Variants in PIGN observed in about 807,000 individuals in gnomAD.
PIGN encodes the protein GPI ethanolamine phosphate transferase 1.
Under a neutral mutation model 125.4 loss-of-function variants are expected in PIGN, and 117 were observed. That is an observed-to-expected ratio of 0.93 (90% CI 0.80 to 1.09). The LOEUF (loss-of-function observed/expected upper bound fraction) is 1.09. Ranked by LOEUF, PIGN falls within the 50% of genes least tolerant of loss-of-function variation. PIGN has a pLI of 0.00. For synonymous variants in PIGN, 392 were observed against 377.8 expected (o/e 1.04, Z -0.44); for missense variants, 1,075 against 1,094.9 (o/e 0.98, Z 0.26).
At chr18:62,060,518 C>T (rs2145393817) in intron 30 of PIGN, among the ~76,000 whole-genome samples, 1 of 148,860 alleles carries the variant, frequency 6.7e-6, no homozygotes, top group Non-Finnish European at 1.5e-5. Context: ...TGTAACAGTA[C>T]AGATGTTTTA....
intron 30 of PIGN, among the ~76,000 whole-genome samples, chr18:62,065,746 T>A (rs2032481773): frequency 1.3e-5 from 2 of 151,274 alleles, no homozygotes; most frequent in African/African-American, 4.9e-5. Flanking sequence ...CAAAAAAAAA[T>A]AAAAATAAAA....
intron 14 of PIGN, among the ~76,000 whole-genome samples, chr18:62,129,584 T>A (rs1467465451): frequency 6.6e-6 from 1 of 152,210 alleles, no homozygotes; most frequent in African/African-American, 2.4e-5. Flanking sequence ...AAACAGTCAC[T>A]CATAATACAT....
rs1474828256 is a variant in PIGN, at chr18:62,043,786, C to T, written c.*2070G>A. The stretch of plus-strand genomic sequence containing the variant: ...TTTTTTTGGTTCAATATTTTCACAA[C>T]TTGTTCTGCCTATTTTAATTCTTAT... On this transcript the variant is annotated 3_prime_UTR_variant, in exon 31 of 31. Transcript: ENST00000640252. 2 of 152,100 alleles carry T rather than the reference C, an allele frequency of 1.3e-5. No homozygotes were observed. The highest frequency in any genetic ancestry group is 4.8e-5 in the African/African-American group (2 of 41,416). The allele number at this position is 152,100 out of a possible 1,614,324, so 9.4% of individuals were successfully genotyped here.
intron 1 of PIGN, among the ~76,000 whole-genome samples, chr18:62,166,558 T>C (rs2037140767): frequency 6.6e-6 from 1 of 152,322 alleles, no homozygotes; most frequent in Middle Eastern, 3.4e-3. Context: ...TTACTGGGTA[T>C]ATACCCAAAG....
intron 28 of PIGN, among the ~76,000 whole-genome samples, chr18:62,079,843 T>C (rs2033362510): frequency 6.6e-6 from 1 of 151,976 alleles, no homozygotes. Context: ...TAGAAATACT[T>C]AGAAGTAATT....
At chr18:62,130,320 G>A (rs760090917) in intron 14 of PIGN, among the ~76,000 whole-genome samples, 13 of 152,140 alleles carry the variant, frequency 8.5e-5, no homozygotes, top group Non-Finnish European at 1.6e-4. Context: ...TGCCCACAAG[G>A]AAAAGTGATG....
intron 24 of PIGN, among the ~76,000 whole-genome samples, chr18:62,089,245 A>G (rs1259335725): frequency 6.6e-6 from 1 of 152,092 alleles, no homozygotes; most frequent in African/African-American, 2.4e-5. Flanking sequence ...GTAAAATTAA[A>G]TGTTTGTTTA....
chr18:62,065,403 A>G (rs1391156021), intron 30 of PIGN, among the ~76,000 whole-genome samples: 1 of 152,220 alleles, frequency 6.6e-6, no homozygotes, highest in Non-Finnish European at 1.5e-5. Context: ...TGGATTATTC[A>G]GTTGAGAAAA....
chr18:62,017,796 A>G (rs540951327), intron 23 of PIGN: 2 of 152,224 alleles, frequency 1.3e-5, no homozygotes, highest in Admixed American at 1.3e-4. Context: ...CTCCTTTATA[A>G]AGAGCTTTCC....
Position 62,043,388 on chromosome 18 carries a change from GCC to G in PIGN, c.*2466_*2467del, listed in dbSNP as rs2030454671. The stretch of plus-strand genomic sequence containing the variant: ...TATGTCAAAAAGGAGGAGAAAAGGA[GCC>G]CCTAGTCCACCAAAACAAGTGTAAA... On this transcript the variant is annotated 3_prime_UTR_variant, in exon 31 of 31. Coordinates refer to ENST00000640252, the MANE Select transcript of PIGN (RefSeq NM_176787.5). The G allele has an allele frequency of 6.6e-6, 1 of 152,140 alleles. No individual in the cohort carries two copies. Among genetic ancestry groups the G allele is most frequent in the East Asian group, 1.9e-4 (1 of 5,184 alleles). The allele number at this position is 152,140 out of a possible 1,614,324, so 9.4% of individuals were successfully genotyped here.
chr18:62,179,966 CTATTA>C (rs1421026529), intron 1 of PIGN, among the ~76,000 whole-genome samples: 2 of 152,128 alleles, frequency 1.3e-5, no homozygotes, highest in Non-Finnish European at 2.9e-5. Flanking sequence ...GACCTATATT[CTATTA>C]TATGACTCTA....
chr18:62,071,874 A>ATATATATATG (rs1568142186), intron 30 of PIGN, among the ~76,000 whole-genome samples: 12 of 41,294 alleles, frequency 2.9e-4, no homozygotes, highest in African/African-American at 1.9e-3. Context: ...ATATATATAT[A>ATATATATATG]TATATATATA....
chr18:62,048,772 T>G (rs10084034), intron 30 of PIGN, among the ~76,000 whole-genome samples: 24,919 of 148,114 alleles, frequency 0.17, 2,767 homozygotes, highest in Middle Eastern at 0.27. Flanking sequence ...TACATATGTA[T>G]ACATGTGCCA....
At position 62,056,049 on chromosome 18, in the gene PIGN, G is replaced by T. The variant is rs2031698913; in HGVS notation, c.2673-10070C>A. 3.7e-5 allele frequency among the ~76,000 whole-genome samples: 4 copies of T among 109,462 alleles called. No homozygotes were observed. The South Asian group carries it at 1.1e-3, about 30-fold the overall frequency. The allele number at this position is 109,462 out of a possible 152,430, so 71.8% of individuals were successfully genotyped here. A position where few individuals can be genotyped will look rare whatever the true frequency, so the allele number is the denominator to read the frequency against. ...TGGTGCAAAAGTAATTGTGGTTTTTGCCACTAAAAAAAAAAAAAAAGGCAA... is the reference window on the plus strand; with the variant it reads ...TGGTGCAAAAGTAATTGTGGTTTTTTCCACTAAAAAAAAAAAAAAAGGCAA... On this transcript the variant is annotated intron_variant, in intron 30 of 30. Transcript: ENST00000640252.
chr18:62,035,142 A>G (rs1465063829), intron 23 of PIGN, among the ~76,000 whole-genome samples: 1 of 152,126 alleles, frequency 6.6e-6, no homozygotes, highest in African/African-American at 2.4e-5. Flanking sequence ...CATGTGAGAC[A>G]TGACTTTGCT....
intron 28 of PIGN, among the ~76,000 whole-genome samples, chr18:62,077,717 A>G (rs1364214588): frequency 1.3e-5 from 2 of 152,230 alleles, no homozygotes; most frequent in African/African-American, 4.8e-5. Context: ...TCCTTAAACA[A>G]AAGCTTTAAA....
At chr18:62,165,176 T>C (rs2147701296) in intron 1 of PIGN, among the ~76,000 whole-genome samples, 1 of 152,316 alleles carries the variant, frequency 6.6e-6, no homozygotes, top group South Asian at 2.1e-4. Context: ...GAATGGGTTG[T>C]TGTAAAGTGA....
chr18:62,141,892 C>T (rs2036149685), intron 11 of PIGN, among the ~76,000 whole-genome samples: 1 of 152,134 alleles, frequency 6.6e-6, no homozygotes, highest in Non-Finnish European at 1.5e-5. Flanking sequence ...CACCATGTAC[C>T]CTCTCACCAG....
At chr18:62,017,661 A>C (rs538687889) in exon 24 of PIGN, 1 of 151,964 alleles carries the variant, frequency 6.6e-6, no homozygotes, top group Non-Finnish European at 1.5e-5. Flanking sequence ...TTCATCCGAG[A>C]CCATGGCCTT....
Sources: allele counts gnomAD v4.1 joint callset (sites outside exome capture counted in the v4.1 genomes callset), GRCh38; gene constraint gnomAD v4.1.1; transcripts MANE v1.5; gene names NCBI Gene and HGNC (gene_info 2026-07-23, HGNC 2026-07-21).